CYP2J2: variants seen among roughly 807,000 people sequenced by gnomAD.
CYP2J2 encodes the protein cytochrome P450 family 2 subfamily J member 2, also known as cytochrome P450 2J2.
A neutral mutation model predicts 48.8 loss-of-function variants in CYP2J2; 41 were observed. That is an observed-to-expected ratio of 0.84 (90% CI 0.66 to 1.09). The LOEUF (loss-of-function observed/expected upper bound fraction) is 1.09. Ranked by LOEUF, CYP2J2 falls within the 50% of genes least tolerant of loss-of-function variation. CYP2J2 has a pLI of 0.00. For missense variants in CYP2J2, 644 were observed against 617.3 expected (o/e 1.04, Z -0.46); for synonymous variants, 221 against 227.1 (o/e 0.97, Z 0.24).
chr1:59,902,867 G>T (rs1275326926), intron 7 of CYP2J2, among the ~76,000 whole-genome samples: 2 of 152,176 alleles, frequency 1.3e-5, no homozygotes, highest in African/African-American at 4.8e-5. Flanking sequence ...AAAATAATGG[G>T]CCCAGAGTCA....
At chr1:59,915,204 G>C (rs985448087) in intron 2 of CYP2J2, among the ~76,000 whole-genome samples, 4 of 152,126 alleles carry the variant, frequency 2.6e-5, no homozygotes, top group Non-Finnish European at 4.4e-5. Flanking sequence ...ACTGAGGGAA[G>C]TCAGAGACCG....
At chr1:59,904,842 A>G in intron 7 of CYP2J2, 29 bp downstream of exon 7, 5 of 1,593,502 alleles carry the variant, frequency 3.1e-6, no homozygotes, top group Non-Finnish European at 4.3e-6. Flanking sequence ...ACCCCCCTAA[A>G]AGATGGGCTT....
chr1:59,964,746 T>A, the CYP2J2 span, among the ~76,000 whole-genome samples: 2 of 152,272 alleles, frequency 1.3e-5, no homozygotes, highest in African/African-American at 4.8e-5. Context: ...TACAGTTTCA[T>A]TACAACCTTT....
At chr1:59,933,580 G>A in the CYP2J2 span, among the ~76,000 whole-genome samples, 1 of 152,046 alleles carries the variant, frequency 6.6e-6, no homozygotes, top group African/African-American at 2.4e-5. Flanking sequence ...TTTTTGGGGG[G>A]TGGTGTGTGG....
rs767975092 is a variant in CYP2J2 at position 59,926,711 on chromosome 1, G to A, written c.36C>T (p.Leu12=). 6.2e-6 allele frequency: 10 copies of A among 1,612,500 alleles called. No homozygotes were observed. In the East Asian group the frequency reaches 1.8e-4, roughly 29 times the overall value. The change falls in exon 1 of 9, where the codon CTC becomes CTT. Residue 12 remains leucine, a synonymous_variant. Coordinates refer to ENST00000371204, the MANE Select transcript of CYP2J2 (RefSeq NM_000775.4). The part of the protein sequence containing the change: ...LAAMGSLAAA[L]WAVVHPRTLL... Reference sequence around the variant, plus strand: ...GAGTCCGAGGATGGACCACTGCCCAGAGGGCAGCCGCCAGAGAGCCCATCG... The same window carrying A: ...GAGTCCGAGGATGGACCACTGCCCAAAGGGCAGCCGCCAGAGAGCCCATCG...
the CYP2J2 span, among the ~76,000 whole-genome samples, chr1:59,952,795 A>AT: frequency 2.0e-5 from 3 of 152,234 alleles, no homozygotes; most frequent in Non-Finnish European, 4.4e-5. Context: ...CACCCAATGC[A>AT]TAGAAGCACT....
the CYP2J2 span, among the ~76,000 whole-genome samples, chr1:59,942,978 G>A: frequency 6.6e-6 from 1 of 152,074 alleles, no homozygotes; most frequent in African/African-American, 2.4e-5. Flanking sequence ...TAACAACTAA[G>A]TAAAAATAGT....
chr1:59,930,973 T>G (rs956014401), upstream of CYP2J2, among the ~76,000 whole-genome samples: 7 of 152,146 alleles, frequency 4.6e-5, no homozygotes, highest in Non-Finnish European at 1.0e-4. Context: ...TACAAAGTAT[T>G]TGTAAATATG....
chr1:59,930,962 A>G (rs186636001), upstream of CYP2J2, among the ~76,000 whole-genome samples: 193 of 152,294 alleles, frequency 1.3e-3, 2 homozygotes, highest in African/African-American at 4.5e-3. Context: ...TTTAACTGCT[A>G]TACAAAGTAT....
chr1:59,927,040 G>A (rs1465896648), upstream of CYP2J2, among the ~76,000 whole-genome samples: 1 of 152,218 alleles, frequency 6.6e-6, no homozygotes, highest in Admixed American at 6.5e-5. Flanking sequence ...TTGGAACTGT[G>A]CCTGGTAAAC....
chr1:59,963,104 C>T, the CYP2J2 span, among the ~76,000 whole-genome samples: 1 of 152,210 alleles, frequency 6.6e-6, no homozygotes, highest in African/African-American at 2.4e-5. Flanking sequence ...TATGTATCAT[C>T]TCACATTGAG....
At chr1:59,910,867 A>T (rs1257783538) in intron 4 of CYP2J2, among the ~76,000 whole-genome samples, 1 of 152,200 alleles carries the variant, frequency 6.6e-6, no homozygotes, top group East Asian at 1.9e-4. Flanking sequence ...AGGGACAAAA[A>T]TTGTGGTGCA....
intron 7 of CYP2J2, 35 bp downstream of exon 7, chr1:59,904,836 C>T: frequency 6.3e-7 from 1 of 1,576,944 alleles, no homozygotes; most frequent in South Asian, 1.1e-5. Context: ...GTTTCTACCC[C>T]CCTAAAAGAT....
intron 6 of CYP2J2, among the ~76,000 whole-genome samples, chr1:59,907,347 T>C (rs1223431408): frequency 6.6e-6 from 1 of 152,078 alleles, no homozygotes; most frequent in Admixed American, 6.6e-5. Context: ...GAGGCCACCA[T>C]GGAGGGTAGG....
chr1:59,967,102 A>T, the CYP2J2 span, among the ~76,000 whole-genome samples: 1 of 152,122 alleles, frequency 6.6e-6, no homozygotes, highest in Admixed American at 6.5e-5. Context: ...GAGCAGATGT[A>T]GTTTTATGGT....
At chr1:59,911,821 T>C in intron 3 of CYP2J2, 53 bp from the exon 4 acceptor site, 1 of 1,558,128 alleles carries the variant, frequency 6.4e-7, no homozygotes, top group Non-Finnish European at 8.8e-7. Flanking sequence ...TGTCTCCATT[T>C]CCTACTGAGA....
chr1:59,902,408 G>A (rs1231525320), intron 7 of CYP2J2, among the ~76,000 whole-genome samples: 3 of 151,476 alleles, frequency 2.0e-5, no homozygotes, highest in Non-Finnish European at 4.4e-5. Context: ...TAATATCAAT[G>A]ATTGCCAATA....
the CYP2J2 span, among the ~76,000 whole-genome samples, chr1:59,937,667 TTCTC>T: frequency 6.6e-6 from 1 of 152,160 alleles, no homozygotes; most frequent in African/African-American, 2.4e-5. Flanking sequence ...CCCTATCTCT[TTCTC>T]TATCTCATCT....
intron 8 of CYP2J2, among the ~76,000 whole-genome samples, chr1:59,895,222 T>C (rs1644258709): frequency 6.6e-6 from 1 of 152,230 alleles, no homozygotes; most frequent in African/African-American, 2.4e-5. Flanking sequence ...TACATGATCA[T>C]GGATTGCATT....
Sources: allele counts gnomAD v4.1 joint callset (sites outside exome capture counted in the v4.1 genomes callset), GRCh38; gene constraint gnomAD v4.1.1; transcripts MANE v1.5; gene names NCBI Gene and HGNC (gene_info 2026-07-23, HGNC 2026-07-21).